The following RSKR variants were observed in gnomAD, a reference collection of about 807,000 sequenced individuals.
RSKR encodes ribosomal protein S6 kinase related.
RSKR carries 44 observed loss-of-function variants against 56.8 expected under a neutral mutation model. That is an observed-to-expected ratio of 0.77 (90% CI 0.61 to 1.00). The LOEUF is 1.00. RSKR is among the 50% of genes least tolerant of loss of function. The pLI, the probability that RSKR is intolerant of heterozygous loss-of-function variation, is 0.00. For synonymous variants in RSKR, 181 were observed against 188.0 expected (o/e 0.96, Z 0.30); for missense variants, 510 against 506.9 (o/e 1.01, Z -0.06).
At chr17:28,613,731 C>T (rs1258833272) in intron 1 of RSKR, 43 bp from the exon 2 acceptor site, 3 of 1,607,976 alleles carry the variant, frequency 1.9e-6, no homozygotes, top group South Asian at 1.1e-5. Flanking sequence ...GCTCCTGAGG[C>T]ATAGCAGGTT....
chr17:28,613,445 G>A lies in RSKR; in HGVS notation c.319C>T (p.Leu107=), dbSNP rs1374897234. The change falls in exon 2 of 12, where the codon CTG becomes TTG. Residue 107 remains leucine (L), a synonymous_variant. Coordinates refer to ENST00000301037, the MANE Select transcript of RSKR (RefSeq NM_001174103.2). ...CAGGGATTCCACTGACTTACCTTCA[G>A]CTGCTGCTGCCCCCTAATGGGCCTA... ...PIRPIRGQQQ[L]KILGLVAKGS... 1 of 1,614,078 alleles carries A rather than the reference G, an allele frequency of 6.2e-7. No individual in the cohort carries two copies. The highest frequency in any genetic ancestry group is 8.5e-7 in the Non-Finnish European group (1 of 1,180,042).
At position 28,610,649 on chromosome 17, in the gene RSKR, C is replaced by T. The variant is rs1395680888; in HGVS notation, c.1062G>A (p.Gln354=). 1 of 1,535,882 alleles carries T rather than the reference C, an allele frequency of 6.5e-7. No homozygotes were observed. The highest frequency in any genetic ancestry group is 8.7e-7 in the Non-Finnish European group (1 of 1,146,918). Residue 354 remains glutamine, a synonymous_variant, in exon 12 of 12, where the codon CAG becomes CAA. Coordinates refer to ENST00000301037, the MANE Select transcript of RSKR (RefSeq NM_001174103.2). ...LHRLRYLHHF[Q]VHPFFRGVAF... ...CCACACCCCGAAAGAAAGGGTGGAC[C>T]TGGAAGTGATGCAGATAACGTAGAC...
chr17:28,613,618 C>CT lies in RSKR; in HGVS notation c.145dup (p.Arg49LysfsTer51), dbSNP rs1422049631. On this transcript the variant is annotated frameshift_variant, in exon 2 of 12. Transcript: ENST00000301037. LOFTEE classifies it high-confidence loss of function. ...TTCCCAGAGTTCTTCCAGATCTGAC[C>CT]TGATGGTTCCCAAACCTGTCCAGAG... 6.2e-7 allele frequency: 1 copy of CT among 1,614,138 alleles called. No homozygotes were observed. The highest frequency in any genetic ancestry group is 1.7e-5 in the Admixed American group (1 of 60,028).
chr17:28,613,353 G>C lies in RSKR; in HGVS notation c.325-8C>G. 1 of 1,614,216 alleles carries C rather than the reference G, an allele frequency of 6.2e-7. No individual in the cohort carries two copies. Among genetic ancestry groups the C allele is most frequent in the South Asian group, 1.1e-5 (1 of 91,086 alleles). ...AGCCACGAGGCCTAAAATCTGTACA[G>C]AGGAATGGAGAACAGGCCAGTTGAG... On this transcript the variant is annotated splice_region_variant and splice_polypyrimidine_tract_variant and intron_variant, in intron 2 of 11. Coordinates refer to ENST00000301037, the MANE Select transcript of RSKR (RefSeq NM_001174103.2).
In RSKR at chr17:28,611,664, AG is replaced by A; in HGVS notation, c.722-9del. 1 of 1,601,088 alleles carries A rather than the reference AG, an allele frequency of 6.2e-7. No individual in the cohort carries two copies. The highest frequency in any genetic ancestry group is 8.5e-7 in the Non-Finnish European group (1 of 1,174,212). On this transcript the variant is annotated splice_polypyrimidine_tract_variant and intron_variant, in intron 8 of 11. Coordinates refer to ENST00000301037, the MANE Select transcript of RSKR (RefSeq NM_001174103.2). Reference sequence around the variant, plus strand: ...CTGTCAGTTTCAGATGGCCTATGAAAGAAGGTAAGGCAACTGCACCACTGTT... The same window carrying A: ...CTGTCAGTTTCAGATGGCCTATGAAAAAGGTAAGGCAACTGCACCACTGTT...
chr17:28,608,909 G>A lies in RSKR; in HGVS notation c.*1569C>T, dbSNP rs996694960. On this transcript the variant is annotated 3_prime_UTR_variant, in exon 12 of 12. Transcript: ENST00000301037. ...GTCTCAGGACAAAAATGAAAATTGT[G>A]AGAAATTAGTTTAAGAAAAATGAAA... 2.0e-5 allele frequency: 3 copies of A among 151,662 alleles called. No homozygotes were observed. The highest frequency in any genetic ancestry group is 7.3e-5 in the African/African-American group (3 of 41,242). The allele number at this position is 151,662 out of a possible 1,614,324, so 9.4% of individuals were successfully genotyped here. A position where few individuals can be genotyped will look rare whatever the true frequency, so the allele number is the denominator to read the frequency against.
In RSKR at chr17:28,610,291, A is replaced by G; in HGVS notation, c.*187T>C. 1.7e-6 allele frequency: 1 copy of G among 602,136 alleles called. No individual in the cohort carries two copies. Among genetic ancestry groups the G allele is most frequent in the East Asian group, 2.8e-5 (1 of 35,990 alleles). The allele number at this position is 602,136 out of a possible 1,614,324, so 37.3% of individuals were successfully genotyped here. A position where few individuals can be genotyped will look rare whatever the true frequency, so the allele number is the denominator to read the frequency against. On this transcript the variant is annotated 3_prime_UTR_variant, in exon 12 of 12. Coordinates refer to ENST00000301037, the MANE Select transcript of RSKR (RefSeq NM_001174103.2). ...GAGGTAGGTTGTATGATAGGGAAGG[A>G]ATAGGGCCAGCTGTGGCTGCCAGTA...
chr17:28,611,288 G>A (rs757176837), intron 10 of RSKR, 35 bp from the exon 11 acceptor site: 227 of 1,532,874 alleles, frequency 1.5e-4, no homozygotes, highest in Non-Finnish European at 3.0e-5. Context: ...GGTAGGGGTA[G>A]GGGTTCATTC....
rs543650712 is a variant in RSKR, at chr17:28,613,333, C to T, written c.337G>A (p.Val113Met). Residue 113 changes from valine (V) to methionine (M), a missense_variant, in exon 3 of 12, where the codon GTG (valine) becomes ATG (methionine). By Grantham distance (21) the Val-to-Met change is conservative. Transcript: ENST00000301037. ...GQQQLKILGL[V>M]AKGSFGTVLK... is the part of the protein sequence containing the mutation. ...ACAGTTCCAAAGGAGCCTTTAGCCA[C>T]GAGGCCTAAAATCTGTACAGAGGAA... The T allele has an allele frequency of 1.1e-5, 18 of 1,614,176 alleles. No individual in the cohort carries two copies. Among genetic ancestry groups the T allele is most frequent in the Admixed American group, 8.3e-5 (5 of 60,022 alleles).
At position 28,609,167 on chromosome 17, in the gene RSKR, T is replaced by G. The variant is rs2070780771; in HGVS notation, c.*1311A>C. On this transcript the variant is annotated 3_prime_UTR_variant, in exon 12 of 12. Transcript: ENST00000301037. ...AGTTCTCCTGCTTCAGCCTTCTGAG[T>G]AGCTGGGACTACAGGTGTGCAACAC... The G allele has an allele frequency of 6.6e-6, 1 of 151,170 alleles. No homozygotes were observed. Among genetic ancestry groups the G allele is most frequent in the African/African-American group, 2.4e-5 (1 of 41,030 alleles). The allele number at this position is 151,170 out of a possible 1,614,324, so 9.4% of individuals were successfully genotyped here. A position where few individuals can be genotyped will look rare whatever the true frequency, so the allele number is the denominator to read the frequency against.
intron 1 of RSKR, 106 bp from the exon 2 acceptor site, chr17:28,613,794 C>T (rs2151532829): frequency 1.4e-6 from 2 of 1,469,910 alleles, no homozygotes; most frequent in South Asian, 2.6e-5. Context: ...CCTAGAGGTA[C>T]ATTTTTGAGC....
In RSKR at chr17:28,610,514, A is replaced by G. The variant is rs1010490494; in HGVS notation, c.1197T>C (p.Asp399=). Residue 399 remains aspartate (D), a synonymous_variant, in exon 12 of 12, where the codon GAT becomes GAC. Transcript: ENST00000301037. ...ETMPFDDFDC[D]LESFLLYPIP... is the part of the protein sequence containing the mutation. ...TAGGGTAGAGCAAGAAGGACTCCAGATCACAGTCAAAGTCGTCAAAGGGCA... is the reference window on the plus strand; with the variant it reads ...TAGGGTAGAGCAAGAAGGACTCCAGGTCACAGTCAAAGTCGTCAAAGGGCA... 1 of 1,536,096 alleles carries G rather than the reference A, an allele frequency of 6.5e-7. No individual in the cohort carries two copies. The highest frequency in any genetic ancestry group is 8.7e-7 in the Non-Finnish European group (1 of 1,146,892).
intron 5 of RSKR, 80 bp downstream of exon 5, chr17:28,612,538 G>T: frequency 6.6e-7 from 1 of 1,513,042 alleles, no homozygotes; most frequent in South Asian, 1.1e-5. Context: ...AGCAAAGGCA[G>T]AACAAGCCAA....
chr17:28,611,147 T>C lies in RSKR; in HGVS notation c.1007A>G (p.His336Arg), dbSNP rs1180577183. The C allele has an allele frequency of 4.6e-6, 7 of 1,535,698 alleles. No homozygotes were observed. The East Asian group carries it at 7.3e-5, about 16-fold the overall frequency. ...SLNQGLSLLL[H>R]ELLCQNPLHR... ...GAAAGCAGTGCTCATCCTTACCTCA[T>C]GGAGCAGGAGTGAGAGGCCCTGGTT... Residue 336 changes from histidine (H) to arginine (R), a missense_variant, in exon 11 of 12, where the codon CAT becomes CGT. By Grantham distance (29) the His-to-Arg change is conservative. Coordinates refer to ENST00000301037, the MANE Select transcript of RSKR (RefSeq NM_001174103.2).
Position 28,611,562 on chromosome 17 carries a change from C to G in RSKR, c.811+5G>C. The stretch of plus-strand genomic sequence containing the variant: ...TGCTTACCCATCAGCTTTAACCTCT[C>G]TCACCCATGTACTGAAGAGTGCCAC... On this transcript the variant is annotated splice_donor_5th_base_variant and intron_variant, in intron 9 of 11. Transcript: ENST00000301037. 1.3e-6 allele frequency: 2 copies of G among 1,555,918 alleles called. No individual in the cohort carries two copies. Among genetic ancestry groups the G allele is most frequent in the Non-Finnish European group, 1.7e-6 (2 of 1,153,598 alleles).
intron 10 of RSKR, 65 bp downstream of exon 10, chr17:28,611,328 G>C (rs1246408323): frequency 1.3e-6 from 2 of 1,530,472 alleles, no homozygotes; most frequent in African/African-American, 1.4e-5. Context: ...GATTTCCTAA[G>C]GTCTTCCTTC....
rs2070812053 is a variant in RSKR, at chr17:28,611,415, A to G, written c.878T>C (p.Leu293Pro). 6.3e-7 allele frequency: 1 copy of G among 1,599,456 alleles called. No individual in the cohort carries two copies. The part of the protein sequence containing the change: ...AADWWSLGVL[L>P]FSLATGKFPV... ...CACCTTTCCAGTCGCCAGAGAGAAAAGCAAGACACCCAGGGACCACCAATC... is the reference window on the plus strand; with the variant it reads ...CACCTTTCCAGTCGCCAGAGAGAAAGGCAAGACACCCAGGGACCACCAATC... The change falls in exon 10 of 12, where the codon CTT (leucine) becomes CCT (proline). Residue 293 changes from leucine (L) to proline (P), a missense_variant. By Grantham distance (98) the Leu-to-Pro change is moderately conservative. Coordinates refer to ENST00000301037, the MANE Select transcript of RSKR (RefSeq NM_001174103.2).
Position 28,608,962 on chromosome 17 carries a change from C to T in RSKR, c.*1516G>A, listed in dbSNP as rs1438157293. The T allele has an allele frequency of 1.4e-5, 2 of 139,498 alleles. No homozygotes were observed. The highest frequency in any genetic ancestry group is 1.5e-4 in the Admixed American group (2 of 13,676). The allele number at this position is 139,498 out of a possible 1,614,324, so 8.6% of individuals were successfully genotyped here. On this transcript the variant is annotated 3_prime_UTR_variant, in exon 12 of 12. Coordinates refer to ENST00000301037, the MANE Select transcript of RSKR (RefSeq NM_001174103.2). Reference sequence around the variant, plus strand: ...AAGTCATAAAGGCCAAAACTGTATACAAATTTAAGGTCCAGATGATTTTCC... The same window carrying T: ...AAGTCATAAAGGCCAAAACTGTATATAAATTTAAGGTCCAGATGATTTTCC...
In RSKR at chr17:28,609,582, T is replaced by C. The variant is rs926498012; in HGVS notation, c.*896A>G. On this transcript the variant is annotated 3_prime_UTR_variant, in exon 12 of 12. Coordinates refer to ENST00000301037, the MANE Select transcript of RSKR (RefSeq NM_001174103.2). ...ACTGGCCTCAAGCTCCCAGACTATA[T>C]TTTTTAGCTGCATTATTTAGGGGTT... 1.1e-4 allele frequency: 16 copies of C among 151,986 alleles called. No homozygotes were observed. Among genetic ancestry groups the C allele is most frequent in the African/African-American group, 3.9e-4 (16 of 41,368 alleles). 9.4% of individuals were successfully genotyped at this position (151,986 alleles called of 1,614,324 possible).
Sources: gnomAD v4.1 joint callset for allele counts on GRCh38, gnomAD v4.1.1 for gene constraint, MANE v1.5 for transcripts, NCBI Gene and HGNC (gene_info 2026-07-23, HGNC 2026-07-21) for gene names.